Variants in LMTK3 observed in about 807,000 individuals in gnomAD.
LMTK3 encodes lemur tail kinase 3, also known as serine/threonine-protein kinase LMTK3.
In LMTK3, 27 loss-of-function variants were observed where a neutral mutation model predicts 116.7. The observed-to-expected ratio is 0.23, with a 90% CI of 0.17 to 0.32. The LOEUF (loss-of-function observed/expected upper bound fraction) is 0.32. LMTK3 is among the 10% of genes least tolerant of loss of function. The pLI, the probability that LMTK3 is intolerant of heterozygous loss-of-function variation, is 1.00. For synonymous variants in LMTK3, 965 were observed against 971.0 expected (o/e 0.99, Z 0.11); for missense variants, 1,764 against 2,068.5 (o/e 0.85, Z 2.86).
intron 14 of LMTK3, among the ~76,000 whole-genome samples, chr19:48,490,076 G>GC (rs1465150736): frequency 1.3e-5 from 2 of 152,202 alleles, no homozygotes; most frequent in African/African-American, 2.4e-5. Context: ...AGGTGGCCAC[G>GC]AGGATTAGCG....
intron 5 of LMTK3, 130 bp from the exon 6 acceptor site, chr19:48,503,126 C>CTCGCTCAAAACAGA: frequency 1.5e-6 from 1 of 674,114 alleles, no homozygotes; most frequent in South Asian, 1.7e-5. Flanking sequence ...TGTTTTGAGA[C>CTCGCTCAAAACAGA]GGAGTCTCGC....
rs1458246039 is a variant in LMTK3 at position 48,498,293 on chromosome 19, C to A, written c.2776G>T (p.Val926Leu). The change falls in exon 11 of 15, where the codon GTG becomes TTG. Residue 926 changes from valine to leucine, a missense_variant. By Grantham distance (32) the Val-to-Leu change is conservative. Around this residue, in one of 7 missense-constraint regions of LMTK3, gnomAD observed 1,028 missense variants for 1,050.6 expected, o/e 0.98. Coordinates refer to ENST00000600059, the MANE Select transcript of LMTK3 (RefSeq NM_001388485.1). Reference sequence around the variant, plus strand: ...TGGTCCCCGTTCTCCAGCACTGTCACCCCGTTCACTGGGAGGCTCAGGCTT... The same window carrying A: ...TGGTCCCCGTTCTCCAGCACTGTCAACCCGTTCACTGGGAGGCTCAGGCTT... ...APSLSLPVNG[V>L]TVLENGDQRA... 5 of 1,613,172 alleles carry A rather than the reference C, an allele frequency of 3.1e-6. No homozygotes were observed. Among genetic ancestry groups the A allele is most frequent in the South Asian group, 2.2e-5 (2 of 91,054 alleles).
Position 48,508,977 on chromosome 19 carries a change from A to C in LMTK3, c.439-8T>G. 6.3e-7 allele frequency: 1 copy of C among 1,582,526 alleles called. No homozygotes were observed. The highest frequency in any genetic ancestry group is 1.1e-5 in the South Asian group (1 of 87,294). On this transcript the variant is annotated splice_region_variant and splice_polypyrimidine_tract_variant and intron_variant, in intron 4 of 14. Transcript: ENST00000600059. The stretch of plus-strand genomic sequence containing the variant: ...AATCTCTCCCAGGATCACCTGGTCA[A>C]GGGGCACCCAGGAGTCAGCGAGTGC...
intron 7 of LMTK3, 21 bp from the exon 8 acceptor site, chr19:48,501,583 GGT>G: frequency 6.3e-7 from 1 of 1,587,828 alleles, no homozygotes; most frequent in Non-Finnish European, 8.5e-7. Context: ...AACGCGAGGA[GGT>G]GAGCGCAGGG....
In LMTK3 at chr19:48,499,025, G is replaced by C; in HGVS notation, c.2044C>G (p.Pro682Ala). 6.9e-7 allele frequency: 1 copy of C among 1,459,018 alleles called. No individual in the cohort carries two copies. Among genetic ancestry groups the C allele is most frequent in the Non-Finnish European group, 9.0e-7 (1 of 1,105,280 alleles). The allele number at this position is 1,459,018 out of a possible 1,614,324, so 90.4% of individuals were successfully genotyped here. ...CSREGACSCL[P>A]LERGDAVAGW... is the part of the protein sequence containing the mutation. ...GCTACGGCGTCCCCCCGCTCCAGTG[G>C]CAGGCAGGAGCAGGCCCCCTCGCGG... Residue 682 changes from proline to alanine, a missense_variant, in exon 11 of 15, where the codon CCA becomes GCA. This residue lies in a region of LMTK3 where 1,028 missense variants were observed against 1,050.6 expected (regional missense o/e 0.98). Transcript: ENST00000600059.
intron 3 of LMTK3, among the ~76,000 whole-genome samples, 156 bp downstream of exon 3, chr19:48,509,867 C>T (rs976580931): frequency 6.6e-6 from 1 of 152,164 alleles, no homozygotes; most frequent in African/African-American, 2.4e-5. Context: ...TGTCTGCCTC[C>T]CCATAGGCTG....
chr19:48,492,822 T>C (rs1972249067), intron 12 of LMTK3, among the ~76,000 whole-genome samples: 1 of 151,662 alleles, frequency 6.6e-6, no homozygotes, highest in African/African-American at 2.4e-5. Context: ...CCACACTCTC[T>C]CTCCAGACCT....
In LMTK3 at chr19:48,510,019, G is replaced by GT. The variant is rs761086659; in HGVS notation, c.361+3dup. 3.9e-5 allele frequency: 63 copies of GT among 1,613,728 alleles called. No individual in the cohort carries two copies. The African/African-American group carries it at 8.0e-4, about 21-fold the overall frequency. On this transcript the variant is annotated splice_donor_region_variant and intron_variant, in intron 3 of 14. Coordinates refer to ENST00000600059, the MANE Select transcript of LMTK3 (RefSeq NM_001388485.1). ...GGGATGCTGGTCATGGCGTGGGGCA[G>GT]TACCTGAGTGTGAAGGCTGCGGGGC...
In LMTK3 at chr19:48,485,531, A is replaced by C; in HGVS notation, c.*242T>G. The C allele has an allele frequency of 1.5e-5, 7 of 461,542 alleles. No homozygotes were observed. The highest frequency in any genetic ancestry group is 8.6e-5 in the East Asian group (2 of 23,272). The allele number at this position is 461,542 out of a possible 1,614,324, so 28.6% of individuals were successfully genotyped here. A position where few individuals can be genotyped will look rare whatever the true frequency, so the allele number is the denominator to read the frequency against. On this transcript the variant is annotated 3_prime_UTR_variant, in exon 15 of 15. Transcript: ENST00000600059. The stretch of plus-strand genomic sequence containing the variant: ...CGGCTCTCTATGGAGGGGCGGGGGG[A>C]TTCCTGCCTCATTTGGCTCCGAGGG...
Position 48,500,482 on chromosome 19 carries a change from G to C in LMTK3, c.1151+514C>G, listed in dbSNP as rs1429957695. Among the ~76,000 whole-genome samples the C allele has an allele frequency of 6.6e-6, 1 of 152,044 alleles. No individual in the cohort carries two copies. The highest frequency in any genetic ancestry group is 1.5e-5 in the Non-Finnish European group (1 of 67,938). ...AGAGAGAGAGGGACAGAGACCCAGA[G>C]AGAGGGGGACAGAGACCTAGAGAGA... On this transcript the variant is annotated intron_variant, in intron 10 of 14. Transcript: ENST00000600059. The surrounding 1 kb of genome is among the most constrained non-coding windows in gnomAD (Gnocchi z 4.0).
At chr19:48,506,856 G>A (rs1368137119) in intron 5 of LMTK3, among the ~76,000 whole-genome samples, 1 of 152,092 alleles carries the variant, frequency 6.6e-6, no homozygotes, top group Non-Finnish European at 1.5e-5. Context: ...AGTAGAGATG[G>A]GGTTTCACCA....
intron 1 of LMTK3, 29 bp downstream of exon 1, chr19:48,511,472 C>T (rs748612880): frequency 8.4e-7 from 1 of 1,184,474 alleles, no homozygotes; most frequent in South Asian, 2.0e-5. Flanking sequence ...TGGGGGCCAC[C>T]GGACAGACTG....
At chr19:48,493,482 C>T (rs1972263318) in intron 12 of LMTK3, among the ~76,000 whole-genome samples, 1 of 147,196 alleles carries the variant, frequency 6.8e-6, no homozygotes, top group Non-Finnish European at 1.5e-5. Context: ...GCTCGGCCTC[C>T]CTTCAGGCCA....
intron 14 of LMTK3, among the ~76,000 whole-genome samples, chr19:48,487,022 C>T (rs988994455): frequency 2.0e-5 from 3 of 149,840 alleles, no homozygotes; most frequent in South Asian, 2.1e-4. Context: ...CCTGCCACCA[C>T]ACCCGGCTAT....
Position 48,511,580 on chromosome 19 carries a change from G to A in LMTK3, c.-4C>T. 1 of 1,403,888 alleles carries A rather than the reference G, an allele frequency of 7.1e-7. No individual in the cohort carries two copies. Among genetic ancestry groups the A allele is most frequent in the Non-Finnish European group, 9.4e-7 (1 of 1,060,964 alleles). The allele number at this position is 1,403,888 out of a possible 1,614,324, so 87.0% of individuals were successfully genotyped here. A position where few individuals can be genotyped will look rare whatever the true frequency, so the allele number is the denominator to read the frequency against. The stretch of plus-strand genomic sequence containing the variant: ...TGAGGGCGCCGGGGGCAGGCATCTT[G>A]TCGAGGATGGCAGGGAGGTGGAGGT... On this transcript the variant is annotated 5_prime_UTR_variant, in exon 1 of 15. Coordinates refer to ENST00000600059, the MANE Select transcript of LMTK3 (RefSeq NM_001388485.1).
chr19:48,491,291 CACTCCCGCCCT>C lies in LMTK3; in HGVS notation c.4229-57_4229-47del. 7.4e-7 allele frequency: 1 copy of C among 1,355,442 alleles called. No individual in the cohort carries two copies. The highest frequency in any genetic ancestry group is 1.8e-5 in the South Asian group (1 of 55,774). The allele number at this position is 1,355,442 out of a possible 1,614,324, so 84.0% of individuals were successfully genotyped here. On this transcript the variant is annotated intron_variant, in intron 13 of 14. Transcript: ENST00000600059. This position sits in a 1 kb window ranked among gnomAD's most constrained non-coding sequence, Gnocchi z 5.1. ...GCGGTCAGGCTGCAGACACCTGCGGCACTCCCGCCCTCTGGTCCCGCCCCTCCCGACCAAGC... is the reference window on the plus strand; with the variant it reads ...GCGGTCAGGCTGCAGACACCTGCGGCCTGGTCCCGCCCCTCCCGACCAAGC...
At chr19:48,486,299 T>C (rs1263773612) in intron 14 of LMTK3, among the ~76,000 whole-genome samples, 1 of 150,844 alleles carries the variant, frequency 6.6e-6, no homozygotes, top group Admixed American at 6.6e-5. Flanking sequence ...GACCTCGTGA[T>C]CCACCCGCCT....
At position 48,509,106 on chromosome 19, in the gene LMTK3, C is replaced by T. The variant is rs1972615486; in HGVS notation, c.439-137G>A. 8 of 631,288 alleles carry T rather than the reference C, an allele frequency of 1.3e-5. No homozygotes were observed. The South Asian group carries it at 1.5e-4, about 12-fold the overall frequency. The allele number at this position is 631,288 out of a possible 1,614,324, so 39.1% of individuals were successfully genotyped here. A position where few individuals can be genotyped will look rare whatever the true frequency, so the allele number is the denominator to read the frequency against. On this transcript the variant is annotated intron_variant, in intron 4 of 14. Transcript: ENST00000600059. ...CCCTCCACATCCCACCACCCTTGACCCCCACCAGACATGGGGTGAGACACT... is the reference window on the plus strand; with the variant it reads ...CCCTCCACATCCCACCACCCTTGACTCCCACCAGACATGGGGTGAGACACT...
In LMTK3 at chr19:48,499,570, G is replaced by A. The variant is rs1311971097; in HGVS notation, c.1499C>T (p.Ala500Val). Residue 500 changes from alanine to valine, a missense_variant, in exon 11 of 15, where the codon GCG (alanine) becomes GTG (valine). Physicochemically the swap from Ala to Val is moderately conservative, Grantham distance 64. Around this residue, in one of 7 missense-constraint regions of LMTK3, gnomAD observed 1,028 missense variants for 1,050.6 expected, o/e 0.98. Transcript: ENST00000600059. ...RGGGAPAWQP[A>V]SAPPAPHANP... ...GGCGTGGGGGGCCGGGGGGGCCGACGCCGGCTGCCAGGCAGGTGCCCCCCC... is the reference window on the plus strand; with the variant it reads ...GGCGTGGGGGGCCGGGGGGGCCGACACCGGCTGCCAGGCAGGTGCCCCCCC... The A allele has an allele frequency of 1.3e-6, 2 of 1,522,926 alleles. No homozygotes were observed. The highest frequency in any genetic ancestry group is 2.2e-5 in the Admixed American group (1 of 44,500). The allele number at this position is 1,522,926 out of a possible 1,614,324, so 94.3% of individuals were successfully genotyped here.
Sources: gnomAD v4.1 joint callset for allele counts (sites outside exome capture counted in the v4.1 genomes callset) on GRCh38, gnomAD v4.1.1 for gene constraint, gnomAD v4.1.1 regional missense constraint, Gnocchi (gnomAD v3.1) non-coding constraint, MANE v1.5 for transcripts, NCBI Gene and HGNC (gene_info 2026-07-23, HGNC 2026-07-21) for gene names.